Variants in KIFC3 observed in about 807,000 individuals in gnomAD.
KIFC3 encodes kinesin family member C3.
KIFC3 carries 60 observed loss-of-function variants against 101.8 expected under a neutral mutation model. The observed-to-expected ratio is 0.59, with a 90% CI of 0.48 to 0.73. KIFC3 has a LOEUF of 0.73. Among genes scored for constraint, KIFC3 ranks in the 30% least tolerant of loss-of-function variants. The pLI is 0.00. For missense variants in KIFC3, 966 were observed against 1,137.1 expected, an observed-to-expected ratio of 0.85 and a Z score of 2.16; for synonymous variants, 476 against 482.7, an observed-to-expected ratio of 0.99 and a Z score of 0.18.
intron 3 of KIFC3, among the ~76,000 whole-genome samples, chr16:57,786,834 G>T (rs1001385920): frequency 2.2e-4 from 34 of 152,312 alleles, no homozygotes; most frequent in Non-Finnish European, 8.8e-5. Context: ...AGTGGGGAGG[G>T]TGCAGCTTGC....
At chr16:57,841,678 A>T (rs1170575316) in intron 1 of KIFC3, among the ~76,000 whole-genome samples, 3 of 151,902 alleles carry the variant, frequency 2.0e-5, no homozygotes, top group Admixed American at 1.3e-4. Flanking sequence ...AACAAAAACA[A>T]CAACAACAAA....
In KIFC3 at chr16:57,816,401, A is replaced by G. The variant is rs554513798; in HGVS notation, c.109-18119T>C. On this transcript the variant is annotated intron_variant, in intron 1 of 2. Transcript: ENST00000563028. ...GGCCTCAGAAGACCCGCCTTTGGTC[A>G]CAGGACAGAAGCTGGGCCAAGAGGC... 7.2e-5 allele frequency: 41 copies of G among 568,074 alleles called. No individual in the cohort carries two copies. In the East Asian group the frequency reaches 2.6e-3, roughly 35 times the overall value. The allele number at this position is 568,074 out of a possible 1,614,324, so 35.2% of individuals were successfully genotyped here.
intron 1 of KIFC3, among the ~76,000 whole-genome samples, chr16:57,818,097 C>G (rs2055272229): frequency 6.6e-6 from 1 of 151,666 alleles, no homozygotes; most frequent in East Asian, 1.9e-4. Context: ...GGCGTGATCT[C>G]TGCTCACTGC....
At chr16:57,806,746 C>T (rs1458018562), upstream of KIFC3, among the ~76,000 whole-genome samples, 1 of 152,220 alleles carries the variant, frequency 6.6e-6, no homozygotes, top group Non-Finnish European at 1.5e-5. Context: ...TGCCCTGCAG[C>T]TGTGAAAAGT....
chr16:57,844,194 A>C (rs867644274), intron 1 of KIFC3, among the ~76,000 whole-genome samples: 1 of 151,782 alleles, frequency 6.6e-6, no homozygotes, highest in South Asian at 2.1e-4. Flanking sequence ...GCACTTTGGG[A>C]GGCTGAGACA....
chr16:57,776,256 C>T (rs782750068), intron 3 of KIFC3: 9 of 985,332 alleles, frequency 9.1e-6, no homozygotes, highest in African/African-American at 7.0e-5. Flanking sequence ...GAAACTCAGC[C>T]CAGAGGCCAG....
Position 57,769,590 on chromosome 16 carries a change from C to T in KIFC3, c.1218+5G>A. On this transcript the variant is annotated splice_donor_5th_base_variant and intron_variant, in intron 9 of 19. Coordinates refer to ENST00000445690, the MANE Select transcript of KIFC3 (RefSeq NM_001130100.2). This position sits in a 1 kb window ranked among gnomAD's most constrained non-coding sequence, Gnocchi z 4.3. ...TGGACCCTCCCACCCACTGCCCTCG[C>T]TCACCTCGGCCTTGACACTCCTGAG... is the stretch of plus-strand genomic sequence containing the variant. 2 of 1,608,254 alleles carry T rather than the reference C, an allele frequency of 1.2e-6. No homozygotes were observed. Among genetic ancestry groups the T allele is most frequent in the Middle Eastern group, 2.3e-4 (1 of 4,430 alleles).
intron 3 of KIFC3, chr16:57,785,690 G>T (rs2053247810): frequency 8.3e-7 from 1 of 1,209,696 alleles, no homozygotes; most frequent in Admixed American, 2.7e-5. Flanking sequence ...AGTGGCTGAT[G>T]AGAGGGCAGC....
Position 57,771,360 on chromosome 16 carries a change from C to G in KIFC3, c.603G>C (p.Leu201=), listed in dbSNP as rs144408542. The change falls in exon 6 of 20, where the codon CTG becomes CTC. Residue 201 remains leucine (L), a synonymous_variant. Transcript: ENST00000445690. Reference sequence around the variant, plus strand: ...CGGTCTTCTGCTGCACCTCTAGGTTCAGCTCTGACAGCATGCCTTTGCTTT... The same window carrying G: ...CGGTCTTCTGCTGCACCTCTAGGTTGAGCTCTGACAGCATGCCTTTGCTTT... ...MAESKGMLSE[L]NLEVQQKTDR... is the part of the protein sequence containing the mutation. 2.2e-5 allele frequency: 35 copies of G among 1,613,758 alleles called. 1 individual carries two copies. In the African/African-American group the frequency reaches 3.2e-4, roughly 15 times the overall value.
chr16:57,815,645 C>T (rs367834345), intron 1 of KIFC3: 68 of 1,289,904 alleles, frequency 5.3e-5, no homozygotes, highest in Non-Finnish European at 6.5e-5. Context: ...GCTCCAAAAA[C>T]GTAAGTGAAG....
At chr16:57,773,750 G>T (rs1373025853) in intron 3 of KIFC3, 1 of 152,216 alleles carries the variant, frequency 6.6e-6, no homozygotes, top group Non-Finnish European at 1.5e-5. Flanking sequence ...GATTTTGGGG[G>T]TGTGTGTAAA....
At chr16:57,834,560 G>T (rs1324438539) in intron 1 of KIFC3, among the ~76,000 whole-genome samples, 1 of 152,072 alleles carries the variant, frequency 6.6e-6, no homozygotes, top group African/African-American at 2.4e-5. Flanking sequence ...TGCCCAGGCT[G>T]CAGTGCAGTG....
At chr16:57,801,665 A>G (rs1461383623) in intron 1 of KIFC3, among the ~76,000 whole-genome samples, 1 of 152,204 alleles carries the variant, frequency 6.6e-6, no homozygotes, top group Non-Finnish European at 1.5e-5. Context: ...TGGGGTATGG[A>G]GGTGGGGGCT....
chr16:57,845,363 A>G (rs1213170159), intron 1 of KIFC3, among the ~76,000 whole-genome samples: 1 of 152,180 alleles, frequency 6.6e-6, no homozygotes, highest in Admixed American at 6.6e-5. Flanking sequence ...CAGCGGCCTG[A>G]CTGATCTTGT....
intron 3 of KIFC3, chr16:57,788,619 C>T (rs1188263845): frequency 1.9e-5 from 24 of 1,289,454 alleles, no homozygotes; most frequent in Admixed American, 1.6e-4. Context: ...CCGGGCCTCC[C>T]GGGCCCGCCT....
At chr16:57,786,657 C>G (rs1412992220) in intron 3 of KIFC3, among the ~76,000 whole-genome samples, 1 of 152,154 alleles carries the variant, frequency 6.6e-6, no homozygotes, top group Admixed American at 6.5e-5. Context: ...CACCTCGGAG[C>G]CTGGGGCTCT....
upstream of KIFC3, among the ~76,000 whole-genome samples, chr16:57,804,876 T>TGAA (rs2054896689): frequency 6.6e-6 from 1 of 150,484 alleles, no homozygotes; most frequent in Non-Finnish European, 1.5e-5. Flanking sequence ...ATTACAGATG[T>TGAA]GAAGATGTGA....
chr16:57,764,088 C>T (rs1295294261), intron 12 of KIFC3, 55 bp downstream of exon 12: 1 of 1,256,840 alleles, frequency 8.0e-7, no homozygotes, highest in Non-Finnish European at 1.2e-6. Flanking sequence ...AATGAGGGAG[C>T]CCGCATTCCC....
At chr16:57,819,741 A>G (rs1206032766) in intron 1 of KIFC3, among the ~76,000 whole-genome samples, 1 of 152,006 alleles carries the variant, frequency 6.6e-6, no homozygotes, top group African/African-American at 2.4e-5. Context: ...TTGTATTTTT[A>G]GTAGAGACAG....
Sources: gnomAD v4.1 joint callset for allele counts (sites outside exome capture counted in the v4.1 genomes callset) on GRCh38, gnomAD v4.1.1 for gene constraint, Gnocchi (gnomAD v3.1) non-coding constraint, MANE v1.5 for transcripts, NCBI Gene and HGNC (gene_info 2026-07-23, HGNC 2026-07-21) for gene names.